MAP2K5: variants seen among roughly 807,000 people sequenced by gnomAD.
MAP2K5 encodes dual specificity mitogen-activated protein kinase kinase 5.
A neutral mutation model predicts 83.1 loss-of-function variants in MAP2K5; 49 were observed. That is an observed-to-expected ratio of 0.59 (90% CI 0.47 to 0.75). The LOEUF (loss-of-function observed/expected upper bound fraction) is 0.75, where lower values mean the gene tolerates loss of function less well. Among genes scored for constraint, MAP2K5 ranks in the 30% least tolerant of loss-of-function variants. The pLI, the probability that MAP2K5 is intolerant of heterozygous loss-of-function variation, is 0.00. For missense variants in MAP2K5, 457 were observed against 557.5 expected (o/e 0.82, Z 1.82); for synonymous variants, 202 against 191.8 (o/e 1.05, Z -0.44).
chr15:67,622,301 A>G (rs538797337), intron 8 of MAP2K5, among the ~76,000 whole-genome samples: 1 of 152,314 alleles, frequency 6.6e-6, no homozygotes, highest in Admixed American at 6.5e-5. Flanking sequence ...CCTCAGGAGT[A>G]GGTGCAAAGG....
intron 17 of MAP2K5, among the ~76,000 whole-genome samples, chr15:67,739,690 A>G (rs2089450283): frequency 6.6e-6 from 1 of 151,582 alleles, no homozygotes; most frequent in South Asian, 2.1e-4. Context: ...CATGTTGGGC[A>G]GGCTGATCTC....
At chr15:67,639,128 G>A (rs1176861311) in intron 9 of MAP2K5, among the ~76,000 whole-genome samples, 1 of 152,190 alleles carries the variant, frequency 6.6e-6, no homozygotes, top group Non-Finnish European at 1.5e-5. Context: ...ATTGACAAAT[G>A]GGATCTAATT....
In MAP2K5 at chr15:67,775,621, CA is replaced by C. The variant is rs1272440794; in HGVS notation, c.1242+2872del. Among the ~76,000 whole-genome samples the C allele has an allele frequency of 1.3e-5, 2 of 152,128 alleles. No homozygotes were observed. Among genetic ancestry groups the C allele is most frequent in the African/African-American group, 4.8e-5 (2 of 41,406 alleles). On this transcript the variant is annotated intron_variant, in intron 21 of 21. Coordinates refer to ENST00000178640, the MANE Select transcript of MAP2K5 (RefSeq NM_145160.3). The surrounding 1 kb of genome is among the most constrained non-coding windows in gnomAD (Gnocchi z 5.3). ...ATCTTTTGGAGCTATAGCAAGTATA[CA>C]AATAACTAGAATGAAGTAACTAGTA...
In MAP2K5 at chr15:67,552,432, C is replaced by G. The variant is rs1198902075; in HGVS notation, c.184+2350C>G. 6.6e-6 allele frequency among the ~76,000 whole-genome samples: 1 copy of G among 152,078 alleles called. No individual in the cohort carries two copies. Among genetic ancestry groups the G allele is most frequent in the African/African-American group, 2.4e-5 (1 of 41,388 alleles). On this transcript the variant is annotated intron_variant, in intron 2 of 21. Transcript: ENST00000178640. This position sits in a 1 kb window ranked among gnomAD's most constrained non-coding sequence, Gnocchi z 4.2. ...TCTTTTAACCATCACAAGATCCCCACGAAGTACTCGTTATTTTTTTGAGAC... is the reference window on the plus strand; with the variant it reads ...TCTTTTAACCATCACAAGATCCCCAGGAAGTACTCGTTATTTTTTTGAGAC...
chr15:67,804,752 C>T lies in MAP2K5; in HGVS notation c.1243-1894C>T, dbSNP rs534650313. 1.5e-4 allele frequency among the ~76,000 whole-genome samples: 23 copies of T among 152,332 alleles called. No homozygotes were observed. The South Asian group carries it at 4.8e-3, about 32-fold the overall frequency. On this transcript the variant is annotated intron_variant, in intron 21 of 21. Coordinates refer to ENST00000178640, the MANE Select transcript of MAP2K5 (RefSeq NM_145160.3). Reference sequence around the variant, plus strand: ...AGGGGCCCGTCACTCGTGAGCACAGCTTCTCCCTTTGTTCTTTAGAAGGGC... The same window carrying T: ...AGGGGCCCGTCACTCGTGAGCACAGTTTCTCCCTTTGTTCTTTAGAAGGGC...
intron 13 of MAP2K5, among the ~76,000 whole-genome samples, chr15:67,678,233 T>G (rs558213934): frequency 2.0e-5 from 3 of 152,318 alleles, no homozygotes; most frequent in South Asian, 2.1e-4. Context: ...AGAGCATTGC[T>G]GAAGATCCCA....
Position 67,573,755 on chromosome 15 carries a change from T to G in MAP2K5, c.253-6999T>G, listed in dbSNP as rs757558902. ...GGAAATGTCCTGATGTCCTGATATC[T>G]TAAGAACAAAAGCATTCTGAGTTTT... On this transcript the variant is annotated intron_variant, in intron 3 of 21. Transcript: ENST00000178640. The surrounding 1 kb of genome is among the most constrained non-coding windows in gnomAD (Gnocchi z 4.2). Among the ~76,000 whole-genome samples the G allele has an allele frequency of 6.6e-6, 1 of 152,180 alleles. No homozygotes were observed. Among genetic ancestry groups the G allele is most frequent in the Non-Finnish European group, 1.5e-5 (1 of 68,038 alleles).
At chr15:67,700,514 C>A (rs1306207627) in intron 15 of MAP2K5, among the ~76,000 whole-genome samples, 2 of 152,058 alleles carry the variant, frequency 1.3e-5, no homozygotes, top group African/African-American at 4.8e-5. Context: ...CAACATGGTA[C>A]CTGGTAGTTG....
rs1445271769 is a variant in MAP2K5 at position 67,770,984 on chromosome 15, G to A, written c.1196+1321G>A. ...ACTCTGAAAACATTTTATTTCCAAA[G>A]CATGCCATGTCGGAAAAAAGCATAC... On this transcript the variant is annotated intron_variant, in intron 20 of 21. Coordinates refer to ENST00000178640, the MANE Select transcript of MAP2K5 (RefSeq NM_145160.3). The surrounding 1 kb of genome is among the most constrained non-coding windows in gnomAD (Gnocchi z 5.0). Among the ~76,000 whole-genome samples the A allele has an allele frequency of 6.6e-6, 1 of 151,984 alleles. No individual in the cohort carries two copies. Among genetic ancestry groups the A allele is most frequent in the Non-Finnish European group, 1.5e-5 (1 of 67,990 alleles).
chr15:67,798,663 C>T (rs571055032), intron 21 of MAP2K5, among the ~76,000 whole-genome samples: 4 of 152,236 alleles, frequency 2.6e-5, no homozygotes, highest in South Asian at 4.1e-4. Context: ...TAGGTGCCTG[C>T]GTACTGTCTA....
At chr15:67,591,924 C>A (rs2085421372) in intron 6 of MAP2K5, among the ~76,000 whole-genome samples, 1 of 151,696 alleles carries the variant, frequency 6.6e-6, no homozygotes, top group Non-Finnish European at 1.5e-5. Context: ...CCAGCCTGAC[C>A]AACATGGAGA....
intron 11 of MAP2K5, among the ~76,000 whole-genome samples, chr15:67,656,270 A>G (rs984291588): frequency 2.6e-5 from 4 of 152,144 alleles, no homozygotes; most frequent in African/African-American, 9.7e-5. Context: ...TTAAACTGCA[A>G]AAAGTTCACA....
intron 3 of MAP2K5, among the ~76,000 whole-genome samples, chr15:67,571,466 A>G (rs2084945456): frequency 6.6e-6 from 1 of 152,128 alleles, no homozygotes; most frequent in Admixed American, 6.5e-5. Flanking sequence ...GTTAAATTCT[A>G]CCACTGTACT....
chr15:67,687,257 TTGGA>T (rs1416854602), intron 13 of MAP2K5, among the ~76,000 whole-genome samples: 60 of 152,364 alleles, frequency 3.9e-4, no homozygotes, highest in African/African-American at 1.4e-3. Flanking sequence ...CCAGGCTGTA[TTGGA>T]TTGGTTTCTG....
chr15:67,556,812 C>G (rs1337653773), intron 2 of MAP2K5, among the ~76,000 whole-genome samples: 2 of 152,160 alleles, frequency 1.3e-5, no homozygotes, highest in East Asian at 3.8e-4. Flanking sequence ...CTCGGCCTCC[C>G]AAAGTGCTGG....
At chr15:67,594,632 C>A (rs2085485070) in intron 7 of MAP2K5, among the ~76,000 whole-genome samples, 1 of 152,164 alleles carries the variant, frequency 6.6e-6, no homozygotes, top group South Asian at 2.1e-4. Context: ...CCATAGATAT[C>A]TTAGTGGCTT....
intron 8 of MAP2K5, among the ~76,000 whole-genome samples, chr15:67,619,757 G>A (rs1048921050): frequency 2.0e-5 from 1 of 49,740 alleles, no homozygotes; most frequent in African/African-American, 4.2e-5. Flanking sequence ...TGAGAACCTT[G>A]TTCTACAAAA....
Position 67,575,982 on chromosome 15 carries a change from C to T in MAP2K5, c.253-4772C>T, listed in dbSNP as rs374733204. 1.0e-4 allele frequency among the ~76,000 whole-genome samples: 14 copies of T among 140,006 alleles called. 2 individuals are homozygous for T. The highest frequency in any genetic ancestry group is 2.1e-4 in the Non-Finnish European group (14 of 65,272). The allele number at this position is 140,006 out of a possible 152,430, so 91.8% of individuals were successfully genotyped here. A position where few individuals can be genotyped will look rare whatever the true frequency, so the allele number is the denominator to read the frequency against. On this transcript the variant is annotated intron_variant, in intron 3 of 21. Transcript: ENST00000178640. ...TCGCCCAGGCTGGAGTGCAATGGCA[C>T]GATCTCGGCTCACTGCAACCTCTGC...
At chr15:67,805,800 A>G (rs1403234548) in intron 21 of MAP2K5, among the ~76,000 whole-genome samples, 1 of 152,242 alleles carries the variant, frequency 6.6e-6, no homozygotes, top group Non-Finnish European at 1.5e-5. Flanking sequence ...GAAGAGGAAG[A>G]AAAAGAAGGC....
Sources: gnomAD v4.1 joint callset for allele counts (sites outside exome capture counted in the v4.1 genomes callset) on GRCh38, gnomAD v4.1.1 for gene constraint, Gnocchi (gnomAD v3.1) non-coding constraint, MANE v1.5 for transcripts, NCBI Gene and HGNC (gene_info 2026-07-23, HGNC 2026-07-21) for gene names.